GAB2: variants seen among roughly 807,000 people sequenced by gnomAD.
The protein encoded by GAB2 is GRB2 associated binding protein 2, also known as GRB2-associated-binding protein 2.
A neutral mutation model predicts 65.5 loss-of-function variants in GAB2; 26 were observed. That is an observed-to-expected ratio of 0.40 (90% confidence interval 0.29 to 0.55). The LOEUF is 0.55. GAB2 is among the 20% of genes least tolerant of loss of function. The pLI is 0.53. For missense variants in GAB2, 884 were observed against 875.8 expected (o/e 1.01, Z -0.12); for synonymous variants, 321 against 329.6 (o/e 0.97, Z 0.28).
Position 78,330,260 on chromosome 11 carries a change from G to C in GAB2, c.76-49359C>G, listed in dbSNP as rs1855893041. Reference sequence around the variant, plus strand: ...TCATTTGGTAAGCATCTAATTCCTTGTATTAAATTCCTTCCTGTTTAAAGT... The same window carrying C: ...TCATTTGGTAAGCATCTAATTCCTTCTATTAAATTCCTTCCTGTTTAAAGT... On this transcript the variant is annotated intron_variant, in intron 1 of 9. Coordinates refer to ENST00000361507, the MANE Select transcript of GAB2 (RefSeq NM_080491.3). Among the ~76,000 whole-genome samples, 4 of 152,182 alleles carry C rather than the reference G, an allele frequency of 2.6e-5. No individual in the cohort carries two copies. In the South Asian group the frequency reaches 8.3e-4, roughly 32 times the overall value.
At chr11:78,316,036 C>T (rs1453282988) in intron 1 of GAB2, among the ~76,000 whole-genome samples, 2 of 152,162 alleles carry the variant, frequency 1.3e-5, no homozygotes, top group Non-Finnish European at 2.9e-5. Flanking sequence ...TCTCCCCACT[C>T]CCCCTCCCCC....
intron 1 of GAB2, among the ~76,000 whole-genome samples, chr11:78,407,633 C>CAAAAAAAGAAAGAAAG (rs1555001651): frequency 4.3e-5 from 4 of 93,302 alleles, no homozygotes; most frequent in African/African-American, 1.4e-4. Flanking sequence ...AACTCCTTCT[C>CAAAAAAAGAAAGAAAG]AAAGAAAGAA....
intron 1 of GAB2, among the ~76,000 whole-genome samples, chr11:78,311,856 C>T (rs1855505777): frequency 6.6e-6 from 1 of 152,098 alleles, no homozygotes; most frequent in South Asian, 2.1e-4. Context: ...GAAGCTCAAT[C>T]CCACCAGGTC....
intron 1 of GAB2, among the ~76,000 whole-genome samples, chr11:78,414,839 C>T (rs531481536): frequency 6.6e-6 from 1 of 152,274 alleles, no homozygotes; most frequent in East Asian, 1.9e-4. Context: ...TGTTTTTCCC[C>T]TCTACACCTT....
chr11:78,281,503 C>A (rs1866334651), intron 1 of GAB2, among the ~76,000 whole-genome samples: 1 of 152,166 alleles, frequency 6.6e-6, no homozygotes, highest in African/African-American at 2.4e-5. Context: ...CCTCGGCCTC[C>A]CAAAAGTGCT....
intron 2 of GAB2, among the ~76,000 whole-genome samples, chr11:78,265,445 A>G (rs1384600439): frequency 6.6e-6 from 1 of 152,164 alleles, no homozygotes. Context: ...GAGATCTCGT[A>G]TTCTAGAAGT....
intron 1 of GAB2, among the ~76,000 whole-genome samples, chr11:78,413,921 T>G (rs985402910): frequency 6.6e-6 from 1 of 152,020 alleles, no homozygotes; most frequent in South Asian, 2.1e-4. Context: ...AAGCCTCATC[T>G]CTACTAAAAA....
At chr11:78,384,967 C>T (rs1409741930) in intron 1 of GAB2, among the ~76,000 whole-genome samples, 1 of 152,094 alleles carries the variant, frequency 6.6e-6, no homozygotes, top group Non-Finnish European at 1.5e-5. Context: ...ATTATTAGGT[C>T]CTCTTGAGAA....
chr11:78,312,570 T>C (rs1855523177), intron 1 of GAB2, among the ~76,000 whole-genome samples: 1 of 151,926 alleles, frequency 6.6e-6, no homozygotes. Flanking sequence ...GGATTACAGG[T>C]GCCCACCACC....
chr11:78,346,711 ATATATATATAATT>A (rs1856192734), intron 1 of GAB2, among the ~76,000 whole-genome samples: 1 of 60,240 alleles, frequency 1.7e-5, no homozygotes, highest in Non-Finnish European at 3.1e-5. Context: ...ATATATATAT[ATATATATATAATT>A]TTTTTTTTTT....
At chr11:78,311,798 CG>C (rs888727996) in intron 1 of GAB2, among the ~76,000 whole-genome samples, 40 of 152,160 alleles carry the variant, frequency 2.6e-4, no homozygotes, top group South Asian at 6.2e-4. Flanking sequence ...GGACTTGGAG[CG>C]AGGCGGTAGT....
At chr11:78,249,653 T>C (rs915002729) in intron 3 of GAB2, among the ~76,000 whole-genome samples, 1 of 152,242 alleles carries the variant, frequency 6.6e-6, no homozygotes, top group Admixed American at 6.5e-5. Context: ...TACTGAGGAC[T>C]TGAAATGTGG....
intron 1 of GAB2, among the ~76,000 whole-genome samples, chr11:78,411,161 G>C (rs1052150271): frequency 1.1e-4 from 14 of 132,404 alleles, no homozygotes; most frequent in South Asian, 4.2e-4. Context: ...GGGGTGGTTG[G>C]GGGGGGGGAT....
intron 1 of GAB2, among the ~76,000 whole-genome samples, chr11:78,309,956 GT>G: frequency 6.8e-6 from 1 of 147,732 alleles, no homozygotes; most frequent in South Asian, 2.1e-4. Flanking sequence ...GTGTGTGTGT[GT>G]GTGTGTGTGT....
At chr11:78,354,505 C>A (rs1236318268) in intron 1 of GAB2, among the ~76,000 whole-genome samples, 2 of 152,036 alleles carry the variant, frequency 1.3e-5, no homozygotes, top group Non-Finnish European at 2.9e-5. Context: ...GCTTTTGACA[C>A]TGCAATGGTG....
At chr11:78,401,298 TCCCCTA>T (rs1484061436) in intron 1 of GAB2, among the ~76,000 whole-genome samples, 1 of 152,126 alleles carries the variant, frequency 6.6e-6, no homozygotes, top group Non-Finnish European at 1.5e-5. Context: ...CTGCTCATTG[TCCCCTA>T]CCCCTAGCCC....
At position 78,223,649 on chromosome 11, in the gene GAB2, C is replaced by G. The variant is rs887389146; in HGVS notation, c.1330G>C (p.Asp444His). The G allele has an allele frequency of 6.2e-7, 1 of 1,607,424 alleles. No homozygotes were observed. The highest frequency in any genetic ancestry group is 8.5e-7 in the Non-Finnish European group (1 of 1,176,760). Reference sequence around the variant, plus strand: ...TAGTTGTCTTCAGAATTGGTGCTGTCCGATCGGCCCACAATCATTTTCCCT... The same window carrying G: ...TAGTTGTCTTCAGAATTGGTGCTGTGCGATCGGCCCACAATCATTTTCCCT... ...LPGKMIVGRS[D>H]STNSEDNYVP... Residue 444 changes from aspartate (D) to histidine (H), a missense_variant, in exon 6 of 10, where the codon GAC becomes CAC. Transcript: ENST00000361507.
rs1855763646 is a variant in GAB2 at position 78,323,443 on chromosome 11, G to C, written c.76-42542C>G. Among the ~76,000 whole-genome samples the C allele has an allele frequency of 3.9e-5, 6 of 152,192 alleles. 1 individual carries two copies. In the South Asian group the frequency reaches 1.2e-3, roughly 32 times the overall value. ...GAGAATCACTTGAACCCAGGAGGCA[G>C]AGGTTGTAGTCAGCCGAGATCATGC... is the stretch of plus-strand genomic sequence containing the variant. On this transcript the variant is annotated intron_variant, in intron 1 of 9. Transcript: ENST00000361507.
chr11:78,265,739 G>T (rs546491762), intron 2 of GAB2, among the ~76,000 whole-genome samples: 1 of 152,100 alleles, frequency 6.6e-6, no homozygotes, highest in South Asian at 2.1e-4. Context: ...CATGTTATAT[G>T]TTTCAATATA....
Sources: allele counts gnomAD v4.1 joint callset (sites outside exome capture counted in the v4.1 genomes callset), GRCh38; gene constraint gnomAD v4.1.1; transcripts MANE v1.5; gene names NCBI Gene and HGNC (gene_info 2026-07-23, HGNC 2026-07-21).